SPATA16: variants seen among roughly 807,000 people sequenced by gnomAD.
The protein encoded by SPATA16 is spermatogenesis associated 16, also known as spermatogenesis-associated protein 16.
SPATA16 carries 36 observed loss-of-function variants against 63.3 expected under a neutral mutation model. That is an observed-to-expected ratio of 0.57 (90% confidence interval 0.44 to 0.75). The LOEUF (loss-of-function observed/expected upper bound fraction) is 0.75. SPATA16 is among the 30% of genes least tolerant of loss of function. The pLI is 0.00. For missense variants in SPATA16, 646 were observed against 679.3 expected (o/e 0.95, Z 0.54); for synonymous variants, 203 against 216.7 (o/e 0.94, Z 0.56).
intron 3 of SPATA16, among the ~76,000 whole-genome samples, chr3:173,021,703 G>A (rs1735333912): frequency 6.7e-6 from 1 of 150,298 alleles, no homozygotes; most frequent in East Asian, 1.9e-4. Context: ...CACAGGATAG[G>A]TAATTCTTCC....
At chr3:173,056,212 T>A (rs1736218320) in intron 2 of SPATA16, among the ~76,000 whole-genome samples, 1 of 152,238 alleles carries the variant, frequency 6.6e-6, no homozygotes, top group African/African-American at 2.4e-5. Context: ...TGCTATAAAA[T>A]GAGGATTGTG....
At chr3:173,101,374 G>A (rs556098765) in intron 2 of SPATA16, among the ~76,000 whole-genome samples, 169 of 152,126 alleles carry the variant, frequency 1.1e-3, no homozygotes, top group Non-Finnish European at 2.2e-3. Context: ...CCTAATCAAA[G>A]GTTTGAATAT....
At chr3:173,082,337 T>A (rs1210875126) in intron 2 of SPATA16, among the ~76,000 whole-genome samples, 8 of 152,334 alleles carry the variant, frequency 5.3e-5, no homozygotes, top group Middle Eastern at 3.4e-3. Context: ...ATTCTCAGAA[T>A]CCTTGGAGTT....
chr3:172,938,096 C>T (rs1315912118), intron 6 of SPATA16, among the ~76,000 whole-genome samples: 1 of 152,174 alleles, frequency 6.6e-6, no homozygotes, highest in African/African-American at 2.4e-5. Flanking sequence ...TAAATATGCC[C>T]ATTACCCAGG....
chr3:173,114,208 A>T (rs563474212), intron 2 of SPATA16, among the ~76,000 whole-genome samples: 1 of 150,450 alleles, frequency 6.6e-6, no homozygotes, highest in African/African-American at 2.5e-5. Context: ...AAAGAGTCTC[A>T]TAACACTTCC....
At chr3:172,949,982 C>G (rs1015979476) in intron 6 of SPATA16, among the ~76,000 whole-genome samples, 58 of 152,300 alleles carry the variant, frequency 3.8e-4, no homozygotes, top group African/African-American at 1.4e-3. Context: ...ATTTCTACCA[C>G]ATACCCCATT....
chr3:173,115,071 G>A (rs1737858654), intron 2 of SPATA16, among the ~76,000 whole-genome samples: 2 of 152,048 alleles, frequency 1.3e-5, no homozygotes, highest in Non-Finnish European at 2.9e-5. Flanking sequence ...GAGAGAGAAG[G>A]AGAACAGGAG....
intron 3 of SPATA16, among the ~76,000 whole-genome samples, chr3:173,019,829 A>C (rs555612936): frequency 1.3e-5 from 2 of 152,212 alleles, no homozygotes; most frequent in Non-Finnish European, 2.9e-5. Context: ...AGATATGACA[A>C]TGGCAAAGAA....
At chr3:172,917,343 G>T (rs1732516520) in intron 8 of SPATA16, among the ~76,000 whole-genome samples, 1 of 152,140 alleles carries the variant, frequency 6.6e-6, no homozygotes, top group South Asian at 2.1e-4. Flanking sequence ...GTATATAAGG[G>T]TTAACATAAA....
intron 3 of SPATA16, among the ~76,000 whole-genome samples, chr3:173,019,991 T>TAA (rs3085788): frequency 2.1e-5 from 3 of 143,352 alleles, no homozygotes; most frequent in African/African-American, 7.7e-5. Context: ...GAATTTCAGT[T>TAA]AAAAAAAAAA....
At chr3:172,962,154 G>A (rs533125179) in intron 5 of SPATA16, among the ~76,000 whole-genome samples, 5 of 150,546 alleles carry the variant, frequency 3.3e-5, no homozygotes, top group Non-Finnish European at 7.4e-5. Flanking sequence ...TTGGGAGGCC[G>A]AGGCAGGAGA....
At chr3:173,076,398 T>A (rs1290984160) in intron 2 of SPATA16, among the ~76,000 whole-genome samples, 10 of 92,392 alleles carry the variant, frequency 1.1e-4, no homozygotes, top group South Asian at 8.6e-4. Context: ...AGTATAAAAT[T>A]TTTTTTTTTT....
At position 172,976,968 on chromosome 3, in the gene SPATA16, C is replaced by A. The variant is rs754198960; in HGVS notation, c.933G>T (p.Gln311His). 6.2e-7 allele frequency: 1 copy of A among 1,611,698 alleles called. No homozygotes were observed. Among genetic ancestry groups the A allele is most frequent in the African/African-American group, 1.3e-5 (1 of 74,766 alleles). Residue 311 changes from glutamine (Q) to histidine (H), a missense_variant and splice_region_variant, in exon 5 of 11, where the codon CAG (glutamine) becomes CAT (histidine). By Grantham distance (24) the Gln-to-His change is conservative. Transcript: ENST00000351008. Reference protein sequence around the residue: ...SISKLIKLYWQAMIEEAITRA... With the variant: ...SISKLIKLYWHAMIEEAITRA... Reference sequence around the variant, plus strand: ...CCCTAGTTGGGACATCAATTTTTACCTGCCAATACAGTTTGATGAGCTTGC... The same window carrying A: ...CCCTAGTTGGGACATCAATTTTTACATGCCAATACAGTTTGATGAGCTTGC...
At chr3:172,957,564 CCTTCT>C (rs1247079714) in intron 5 of SPATA16, among the ~76,000 whole-genome samples, 4 of 152,122 alleles carry the variant, frequency 2.6e-5, no homozygotes, top group Admixed American at 6.6e-5. Flanking sequence ...TACAACTTTT[CCTTCT>C]AATGAGGCTT....
At chr3:173,026,265 A>G (rs1372496258) in intron 3 of SPATA16, among the ~76,000 whole-genome samples, 2 of 151,852 alleles carry the variant, frequency 1.3e-5, no homozygotes, top group African/African-American at 2.4e-5. Context: ...ATCTTTTGCC[A>G]TTTTAAAAAA....
At chr3:173,019,616 TA>T in intron 3 of SPATA16, 41 bp from the exon 4 acceptor site, 1 of 1,555,060 alleles carries the variant, frequency 6.4e-7, no homozygotes, top group Non-Finnish European at 8.9e-7. Flanking sequence ...ATTTGGGTTT[TA>T]AAAGACAATT....
intron 4 of SPATA16, 26 bp from the exon 5 acceptor site, chr3:172,977,078 A>G (rs776945806): frequency 6.3e-7 from 1 of 1,580,468 alleles, no homozygotes; most frequent in Admixed American, 1.7e-5. Flanking sequence ...GATTAAAAAA[A>G]AAACAAAAAC....
chr3:172,917,623 A>G (rs774111574), intron 8 of SPATA16, among the ~76,000 whole-genome samples: 18 of 152,234 alleles, frequency 1.2e-4, no homozygotes, highest in Admixed American at 2.0e-4. Context: ...TGCCTCCCCA[A>G]ATATTCAAAT....
At chr3:173,086,443 G>A (rs1737055196) in intron 2 of SPATA16, among the ~76,000 whole-genome samples, 1 of 151,828 alleles carries the variant, frequency 6.6e-6, no homozygotes, top group Non-Finnish European at 1.5e-5. Context: ...CTTAATTAAT[G>A]TAGCTAGTAG....
Sources: allele counts gnomAD v4.1 joint callset (sites outside exome capture counted in the v4.1 genomes callset), GRCh38; gene constraint gnomAD v4.1.1; transcripts MANE v1.5; gene names NCBI Gene and HGNC (gene_info 2026-07-23, HGNC 2026-07-21).